FSTL4: variants seen among roughly 807,000 people sequenced by gnomAD.
FSTL4 encodes follistatin-related protein 4.
A neutral mutation model predicts 78.2 loss-of-function variants in FSTL4; 28 were observed. The ratio of observed to expected loss-of-function variants is 0.36; its 90% confidence interval spans 0.27 to 0.49. The LOEUF is 0.49. Among genes scored for constraint, FSTL4 ranks in the 20% least tolerant of loss-of-function variants. The probability of loss-of-function intolerance (pLI) is 0.98; values close to 1 mark genes in which losing one functional copy is unlikely to be tolerated. For synonymous variants in FSTL4, 422 were observed against 440.5 expected, an observed-to-expected ratio of 0.96 and a Z score of 0.53; for missense variants, 922 against 1,084.9, an observed-to-expected ratio of 0.85 and a Z score of 2.11.
chr5:133,437,801 T>G (rs1757067917), intron 3 of FSTL4, among the ~76,000 whole-genome samples: 1 of 150,148 alleles, frequency 6.7e-6, no homozygotes, highest in African/African-American at 2.4e-5. Flanking sequence ...AGTAAATGGT[T>G]TTTTTTTTTA....
At chr5:133,202,287 GC>G (rs1750350666) in intron 14 of FSTL4, among the ~76,000 whole-genome samples, 1 of 152,326 alleles carries the variant, frequency 6.6e-6, no homozygotes, top group African/African-American at 2.4e-5. Context: ...AATTGCTTCT[GC>G]CCCATGGTTA....
intron 3 of FSTL4, among the ~76,000 whole-genome samples, chr5:133,562,655 G>T (rs1451174048): frequency 6.6e-6 from 1 of 152,174 alleles, no homozygotes; most frequent in African/African-American, 2.4e-5. Context: ...ACATGTGCGG[G>T]AGCCAGCGCT....
intron 3 of FSTL4, among the ~76,000 whole-genome samples, chr5:133,489,374 G>A (rs1437215880): frequency 6.6e-6 from 1 of 152,162 alleles, no homozygotes; most frequent in African/African-American, 2.4e-5. Context: ...ATATGCAAGT[G>A]ACTTCCATTG....
At chr5:133,767,666 G>A in the FSTL4 span, among the ~76,000 whole-genome samples, 1 of 152,320 alleles carries the variant, frequency 6.6e-6, no homozygotes, top group East Asian at 1.9e-4. Context: ...CTATCCAGAA[G>A]GATGAGAATG....
At chr5:133,398,368 G>C (rs1008436922) in intron 4 of FSTL4, among the ~76,000 whole-genome samples, 2 of 152,162 alleles carry the variant, frequency 1.3e-5, no homozygotes, top group Non-Finnish European at 2.9e-5. Context: ...AGAAAGAGAA[G>C]CCCTGGCTCT....
rs2126916410 is a variant in FSTL4 at position 133,338,971 on chromosome 5, C to T, written c.410-22319G>A. On this transcript the variant is annotated intron_variant, in intron 4 of 15. Transcript: ENST00000265342. The surrounding 1 kb of genome is among the most constrained non-coding windows in gnomAD (Gnocchi z 4.0). The stretch of plus-strand genomic sequence containing the variant: ...CTCCGATCATGTCCCCACCAATCCT[C>T]CCCCACTCAGTAGCTGGAGGAATCT... Among the ~76,000 whole-genome samples, 1 of 152,296 alleles carries T rather than the reference C, an allele frequency of 6.6e-6. No individual in the cohort carries two copies. Among genetic ancestry groups the T allele is most frequent in the Admixed American group, 6.5e-5 (1 of 15,298 alleles).
At chr5:133,220,510 T>C (rs1421671924) in intron 12 of FSTL4, among the ~76,000 whole-genome samples, 1 of 152,206 alleles carries the variant, frequency 6.6e-6, no homozygotes, top group African/African-American at 2.4e-5. Context: ...CAGAAACCCA[T>C]TTGTACCACC....
chr5:133,740,040 G>A, the FSTL4 span, among the ~76,000 whole-genome samples: 1 of 152,022 alleles, frequency 6.6e-6, no homozygotes, highest in South Asian at 2.1e-4. Context: ...CCACAAGGGT[G>A]CCTGACTAAA....
chr5:133,231,495 C>T (rs1211555518), intron 8 of FSTL4, among the ~76,000 whole-genome samples: 2 of 152,168 alleles, frequency 1.3e-5, no homozygotes, highest in African/African-American at 4.8e-5. Flanking sequence ...TTGTGTTAAT[C>T]CACACATTAA....
chr5:133,217,551 A>G (rs76604709), intron 12 of FSTL4, among the ~76,000 whole-genome samples, 173 bp from the exon 13 acceptor site: 333 of 152,200 alleles, frequency 2.2e-3, no homozygotes, highest in African/African-American at 7.8e-3. Context: ...CTCACTTAAC[A>G]TTCCTTTAAT....
intron 6 of FSTL4, among the ~76,000 whole-genome samples, chr5:133,292,778 A>ACTC (rs1200548983): frequency 6.6e-6 from 1 of 151,530 alleles, no homozygotes; most frequent in African/African-American, 2.4e-5. Flanking sequence ...AAGCCCACTG[A>ACTC]CTCTTTACAG....
chr5:133,797,859 G>A, the FSTL4 span, among the ~76,000 whole-genome samples: 12 of 152,030 alleles, frequency 7.9e-5, no homozygotes, highest in Non-Finnish European at 1.2e-4. Context: ...CAGTCCCGCC[G>A]CAGGGGACCC....
chr5:133,724,770 T>C, the FSTL4 span, among the ~76,000 whole-genome samples: 6 of 152,214 alleles, frequency 3.9e-5, no homozygotes, highest in African/African-American at 1.4e-4. Context: ...TCTTGGTTTT[T>C]GTGTCCTAAG....
chr5:133,560,269 T>C (rs1759884242), intron 3 of FSTL4, among the ~76,000 whole-genome samples: 1 of 152,200 alleles, frequency 6.6e-6, no homozygotes, highest in South Asian at 2.1e-4. Flanking sequence ...CTGCCTCCAA[T>C]CCCTGGAGAG....
At chr5:133,516,895 TA>T (rs1420739735) in intron 3 of FSTL4, among the ~76,000 whole-genome samples, 1 of 152,142 alleles carries the variant, frequency 6.6e-6, no homozygotes, top group Admixed American at 6.5e-5. Flanking sequence ...AACAATTAGT[TA>T]ACCACATGGA....
At chr5:133,527,899 C>A (rs144103547) in intron 3 of FSTL4, among the ~76,000 whole-genome samples, 2 of 152,240 alleles carry the variant, frequency 1.3e-5, no homozygotes, top group African/African-American at 4.8e-5. Flanking sequence ...GCTTGGCTTC[C>A]CACCCCCAAG....
At chr5:133,462,109 T>C (rs987675493) in intron 3 of FSTL4, among the ~76,000 whole-genome samples, 2 of 152,168 alleles carry the variant, frequency 1.3e-5, no homozygotes, top group African/African-American at 2.4e-5. Flanking sequence ...AGAAGGGGCA[T>C]TGGGGAGAGA....
chr5:133,807,681 A>G, the FSTL4 span, among the ~76,000 whole-genome samples: 2 of 152,224 alleles, frequency 1.3e-5, no homozygotes, highest in Non-Finnish European at 2.9e-5. Context: ...GGTCTTTGGT[A>G]AACAGGATAG....
the FSTL4 span, among the ~76,000 whole-genome samples, chr5:133,821,838 G>T: frequency 2.6e-5 from 4 of 152,178 alleles, no homozygotes; most frequent in Admixed American, 2.6e-4. Flanking sequence ...CAGAGAAAAG[G>T]AGACTGGTCG....
Sources: allele counts gnomAD v4.1 joint callset (sites outside exome capture counted in the v4.1 genomes callset), GRCh38; gene constraint gnomAD v4.1.1; non-coding constraint Gnocchi (gnomAD v3.1); transcripts MANE v1.5; gene names NCBI Gene and HGNC (gene_info 2026-07-23, HGNC 2026-07-21).